Variants in PRDM11 observed in about 807,000 individuals in gnomAD.
PRDM11 encodes PR domain-containing protein 11.
Under a neutral mutation model 97.8 loss-of-function variants are expected in PRDM11, and 20 were observed. That is an observed-to-expected ratio of 0.20 (90% CI 0.14 to 0.30). The LOEUF (loss-of-function observed/expected upper bound fraction) is 0.30, where lower values mean the gene tolerates loss of function less well. PRDM11 is among the 10% of genes least tolerant of loss of function. The pLI is 1.00. For synonymous variants in PRDM11, 599 were observed against 637.7 expected (o/e 0.94, Z 0.91); for missense variants, 1,139 against 1,555.2 (o/e 0.73, Z 4.50).
chr11:45,195,851 C>T (rs1442156347), intron 4 of PRDM11, among the ~76,000 whole-genome samples: 1 of 152,188 alleles, frequency 6.6e-6, no homozygotes, highest in Non-Finnish European at 1.5e-5. Context: ...GCTGGGGTTA[C>T]AGGCATGAGA....
At chr11:45,194,890 G>A (rs1019310754) in intron 4 of PRDM11, among the ~76,000 whole-genome samples, 1 of 152,060 alleles carries the variant, frequency 6.6e-6, no homozygotes, top group African/African-American at 2.4e-5. Context: ...GAGCCACCGC[G>A]CCCGGCCAGT....
At chr11:45,149,091 C>T (rs1017411968) in intron 1 of PRDM11, among the ~76,000 whole-genome samples, 2 of 152,208 alleles carry the variant, frequency 1.3e-5, no homozygotes, top group African/African-American at 4.8e-5. Flanking sequence ...ATCCACTTCT[C>T]TCCATCCCCT....
intron 1 of PRDM11, among the ~76,000 whole-genome samples, chr11:45,155,284 G>C (rs1851764759): frequency 6.6e-6 from 1 of 152,228 alleles, no homozygotes; most frequent in African/African-American, 2.4e-5. Context: ...CCAGGGGATG[G>C]AGATGGCCGG....
At chr11:45,206,537 G>T (rs571168805) in intron 5 of PRDM11, among the ~76,000 whole-genome samples, 1 of 152,160 alleles carries the variant, frequency 6.6e-6, no homozygotes, top group East Asian at 1.9e-4. Flanking sequence ...CTTTTAAGGC[G>T]CCGGGAGCTT....
At chr11:45,171,700 G>T (rs1372847654) in intron 1 of PRDM11, among the ~76,000 whole-genome samples, 1 of 152,230 alleles carries the variant, frequency 6.6e-6, no homozygotes, top group Non-Finnish European at 1.5e-5. Context: ...CAGTGTCCCA[G>T]TGAGGATGGC....
rs1222181069 is a variant in PRDM11, at chr11:45,206,524, T to C, written c.554+1746T>C. ...CTTGGGAATCAGGCTTTCTGTGCTA[T>C]TGCTTTTAAGGCGCCGGGAGCTTTG... On this transcript the variant is annotated intron_variant, in intron 5 of 7. Coordinates refer to ENST00000683152, the MANE Select transcript of PRDM11 (RefSeq NM_001384648.1). 8.5e-5 allele frequency among the ~76,000 whole-genome samples: 13 copies of C among 152,318 alleles called. No homozygotes were observed. In the South Asian group the frequency reaches 2.7e-3, roughly 32 times the overall value.
chr11:45,128,711 G>T (rs1249272422), intron 1 of PRDM11, among the ~76,000 whole-genome samples: 1 of 152,100 alleles, frequency 6.6e-6, no homozygotes, highest in Non-Finnish European at 1.5e-5. Context: ...CTTCACTGGA[G>T]AATTTCCACA....
At chr11:45,136,973 A>C (rs575233696) in intron 1 of PRDM11, among the ~76,000 whole-genome samples, 6 of 137,010 alleles carry the variant, frequency 4.4e-5, no homozygotes, top group Non-Finnish European at 9.2e-5. Flanking sequence ...TGAAACCCCT[A>C]TCTCTACTAA....
At chr11:45,106,477 C>T (rs535469188) in intron 1 of PRDM11, among the ~76,000 whole-genome samples, 2 of 152,300 alleles carry the variant, frequency 1.3e-5, no homozygotes, top group African/African-American at 4.8e-5. Context: ...CTACAAACCA[C>T]CCCAAAATTG....
Position 45,228,049 on chromosome 11 carries a change from G to C in PRDM11, c.3424G>C (p.Gly1142Arg), listed in dbSNP as rs1225790267. Residue 1142 changes from glycine to arginine, a missense_variant, in exon 8 of 8, where the codon GGG (glycine) becomes CGG (arginine). By Grantham distance (125) the Gly-to-Arg change is moderately radical (BLOSUM62 -2). Around this residue, in one of 2 missense-constraint regions of PRDM11, gnomAD observed 710 missense variants for 1,044.9 expected, o/e 0.68. Coordinates refer to ENST00000683152, the MANE Select transcript of PRDM11 (RefSeq NM_001384648.1). ...ALDSWFEEKS[G>R]NSYALSAEVL... ...GGACAGCTGGTTTGAGGAGAAGTCTGGGAACAGTTACGCGCTGTCTGCAGA... is the reference window on the plus strand; with the variant it reads ...GGACAGCTGGTTTGAGGAGAAGTCTCGGAACAGTTACGCGCTGTCTGCAGA... The C allele has an allele frequency of 2.0e-6, 3 of 1,533,784 alleles. No individual in the cohort carries two copies. The Admixed American group carries it at 5.9e-5, about 30-fold the overall frequency.
intron 1 of PRDM11, among the ~76,000 whole-genome samples, chr11:45,123,519 GTA>G (rs997045564): frequency 4.6e-5 from 7 of 152,136 alleles, no homozygotes; most frequent in African/African-American, 1.4e-4. Context: ...ATTAATTTTT[GTA>G]TAAGGTGTAA....
Position 45,224,438 on chromosome 11 carries a change from C to T in PRDM11, c.964C>T (p.Gln322Ter). Residue 322 changes from glutamine (Q) to a stop codon, truncating the protein, a stop_gained, in exon 7 of 8, where the codon CAG becomes TAG. Coordinates refer to ENST00000683152, the MANE Select transcript of PRDM11 (RefSeq NM_001384648.1). LOFTEE classifies it high-confidence loss of function. ...SLESAKVEAHQLALSTSLVIR... is the reference protein window; with the variant it reads ...SLESAKVEAH ...GGAATCTGCGAAGGTGGAAGCCCAC[C>T]AGTTGGCCCTGAGCACCTCACTGGT... The T allele has an allele frequency of 1.2e-6, 2 of 1,614,196 alleles. No homozygotes were observed. Among genetic ancestry groups the T allele is most frequent in the Non-Finnish European group, 1.7e-6 (2 of 1,180,032 alleles).
intron 1 of PRDM11, among the ~76,000 whole-genome samples, chr11:45,173,146 G>A (rs1852242039): frequency 6.6e-6 from 1 of 152,174 alleles, no homozygotes; most frequent in South Asian, 2.1e-4. Flanking sequence ...TGCTAGAATT[G>A]GCTTAGATGA....
chr11:45,224,117 A>G, intron 6 of PRDM11, 100 bp from the exon 7 acceptor site: 1 of 1,354,798 alleles, frequency 7.4e-7, no homozygotes, highest in Non-Finnish European at 1.0e-6. Context: ...ATCTAGAGGG[A>G]TGTGTCAGGT....
intron 1 of PRDM11, among the ~76,000 whole-genome samples, chr11:45,098,647 T>G (rs922148423): frequency 3.3e-5 from 5 of 151,810 alleles, no homozygotes; most frequent in African/African-American, 9.7e-5. Context: ...GACTATGGGG[T>G]GGTGGTGGGG....
At position 45,207,649 on chromosome 11, in the gene PRDM11, GAGA is replaced by G. The variant is rs914215690; in HGVS notation, c.554+2874_554+2876del. Among the ~76,000 whole-genome samples, 15 of 152,276 alleles carry G rather than the reference GAGA, an allele frequency of 9.9e-5. No individual in the cohort carries two copies. The South Asian group carries it at 1.2e-3, about 13-fold the overall frequency. On this transcript the variant is annotated intron_variant, in intron 5 of 7. Transcript: ENST00000683152. ...CTAGAATTGTCACCCTAGTTTTATG[GAGA>G]AGGAGACTGGGTTCACACGAGTCCC...
intron 2 of PRDM11, 25 bp downstream of exon 2, chr11:45,181,910 A>C (rs1852519708): frequency 6.3e-7 from 1 of 1,597,646 alleles, no homozygotes; most frequent in African/African-American, 1.3e-5. Context: ...TGGGAACTGG[A>C]GAGGGAGAAG....
intron 1 of PRDM11, among the ~76,000 whole-genome samples, chr11:45,117,221 C>A (rs1340846099): frequency 2.3e-5 from 2 of 87,054 alleles, no homozygotes; most frequent in Admixed American, 1.3e-4. Context: ...GATGAGACTC[C>A]ATCTCAAAAA....
intron 1 of PRDM11, among the ~76,000 whole-genome samples, chr11:45,120,351 C>T (rs1852402785): frequency 1.3e-5 from 2 of 152,132 alleles, no homozygotes; most frequent in Admixed American, 6.5e-5. Flanking sequence ...CCAAATACCA[C>T]AGATTTAGTT....
Sources: gnomAD v4.1 joint callset for allele counts (sites outside exome capture counted in the v4.1 genomes callset) on GRCh38, gnomAD v4.1.1 for gene constraint, gnomAD v4.1.1 regional missense constraint, MANE v1.5 for transcripts, NCBI Gene and HGNC (gene_info 2026-07-23, HGNC 2026-07-21) for gene names.